Variants in NOD1 observed in about 807,000 individuals in gnomAD.
NOD1 encodes the protein nucleotide-binding oligomerization domain-containing protein 1.
A neutral mutation model predicts 81.2 loss-of-function variants in NOD1; 70 were observed. The ratio of observed to expected loss-of-function variants is 0.86; its 90% CI spans 0.71 to 1.05. NOD1 has a LOEUF of 1.05. NOD1 is among the 50% of genes least tolerant of loss of function. NOD1 has a pLI of 0.00. For synonymous variants in NOD1, 508 were observed against 526.9 expected, an observed-to-expected ratio of 0.96 and a Z score of 0.49; for missense variants, 1,233 against 1,228.0, an observed-to-expected ratio of 1.00 and a Z score of -0.06.
intron 9 of NOD1, among the ~76,000 whole-genome samples, chr7:30,437,894 G>A (rs1295824185): frequency 6.6e-6 from 1 of 152,216 alleles, no homozygotes; most frequent in Non-Finnish European, 1.5e-5. Context: ...TGTGAACAGA[G>A]GCCATCGGCA....
rs747887313 is a variant in NOD1 at position 30,456,964 on chromosome 7, G to A, written c.-43C>T. 3 of 1,543,924 alleles carry A rather than the reference G, an allele frequency of 1.9e-6. No homozygotes were observed. Among genetic ancestry groups the A allele is most frequent in the South Asian group, 1.1e-5 (1 of 89,650 alleles). ...GCTACTTTTCCCAAATTCATCTTCA[G>A]CTGCGTGTGTCCTCTCAGCAGAAGG... On this transcript the variant is annotated 5_prime_UTR_variant, in exon 4 of 14. Coordinates refer to ENST00000222823, the MANE Select transcript of NOD1 (RefSeq NM_006092.4).
At chr7:30,447,676 A>G in intron 7 of NOD1, 1 of 155,802 alleles carries the variant, frequency 6.4e-6, no homozygotes, top group Non-Finnish European at 1.4e-5. Context: ...TCCAGCTTGC[A>G]GAGCCACCAG....
chr7:30,460,073 T>A (rs1786856402), intron 1 of NOD1, 32 bp from the exon 2 acceptor site: 1 of 193,846 alleles, frequency 5.2e-6, no homozygotes, highest in African/African-American at 2.4e-5. Context: ...ATGACAGCCA[T>A]CTGGCAAGGA....
At chr7:30,461,797 G>T (rs1787113124) in intron 1 of NOD1, among the ~76,000 whole-genome samples, 1 of 152,170 alleles carries the variant, frequency 6.6e-6, no homozygotes, top group Non-Finnish European at 1.5e-5. Flanking sequence ...GGAGTGCAGT[G>T]GCACAATCTT....
In NOD1 at chr7:30,451,506, G is replaced by A. The variant is rs994480424; in HGVS notation, c.1911C>T (p.Arg637=). The A allele has an allele frequency of 9.9e-6, 16 of 1,613,006 alleles. No individual in the cohort carries two copies. The highest frequency in any genetic ancestry group is 3.3e-4 in the Middle Eastern group (2 of 6,080). Reference sequence around the variant, plus strand: ...CCTGGTTGAAGCTTTCGACCTGAACGCGGGGCAGGCTCTTCAGGTAGCCCC... The same window carrying A: ...CCTGGTTGAAGCTTTCGACCTGAACACGGGGCAGGCTCTTCAGGTAGCCCC... ...SLRGYLKSLP[R]VQVESFNQVQ... is the part of the protein sequence containing the mutation. Residue 637 remains arginine, a synonymous_variant, in exon 6 of 14, where the codon CGC becomes CGT. Coordinates refer to ENST00000222823, the MANE Select transcript of NOD1 (RefSeq NM_006092.4). The surrounding 1 kb of genome is among the most constrained non-coding windows in gnomAD (Gnocchi z 4.2).
intron 3 of NOD1, among the ~76,000 whole-genome samples, chr7:30,458,740 C>CTTT (rs11430536): frequency 6.4e-5 from 9 of 139,746 alleles, no homozygotes; most frequent in Non-Finnish European, 9.3e-5. Flanking sequence ...CCAGCCTTTT[C>CTTT]TTTTTTTTTT....
intron 4 of NOD1, 84 bp from the exon 5 acceptor site, chr7:30,455,395 G>C: frequency 8.9e-7 from 1 of 1,128,720 alleles, no homozygotes; most frequent in Non-Finnish European, 1.3e-6. Flanking sequence ...GCTCAGGGCA[G>C]GGCTCTGAGT....
At chr7:30,456,675 T>TC in intron 4 of NOD1, 46 bp downstream of exon 4, 1 of 1,550,884 alleles carries the variant, frequency 6.4e-7, no homozygotes. Context: ...CTCTTCTAGC[T>TC]CCCGGGGTCC....
chr7:30,459,469 T>G (rs955861277), intron 2 of NOD1, among the ~76,000 whole-genome samples: 2 of 152,248 alleles, frequency 1.3e-5, no homozygotes, highest in Non-Finnish European at 2.9e-5. Flanking sequence ...TTGCTTAACC[T>G]TTTGCTTTCA....
In NOD1 at chr7:30,425,533, C is replaced by T. The variant is rs1783369367; in HGVS notation, c.*105G>A. 1.2e-6 allele frequency: 1 copy of T among 827,382 alleles called. No homozygotes were observed. The highest frequency in any genetic ancestry group is 2.1e-6 in the Non-Finnish European group (1 of 474,582). 51.3% of individuals were successfully genotyped at this position (827,382 alleles called of 1,614,324 possible). ...TGGAGGCAGTGGACTCCTGATAGTCCCGCCTGCGCAGGCCCCTTTAAGACA... is the reference window on the plus strand; with the variant it reads ...TGGAGGCAGTGGACTCCTGATAGTCTCGCCTGCGCAGGCCCCTTTAAGACA... On this transcript the variant is annotated 3_prime_UTR_variant, in exon 14 of 14. Coordinates refer to ENST00000222823, the MANE Select transcript of NOD1 (RefSeq NM_006092.4).
chr7:30,455,349 G>A lies in NOD1; in HGVS notation c.202-38C>T, dbSNP rs140048521. Reference sequence around the variant, plus strand: ...CAAGCATGAGGGCACGGGCTGGCATGAGGGGCATCCTCCTACCATAAGGAC... The same window carrying A: ...CAAGCATGAGGGCACGGGCTGGCATAAGGGGCATCCTCCTACCATAAGGAC... On this transcript the variant is annotated intron_variant, in intron 4 of 13. Coordinates refer to ENST00000222823, the MANE Select transcript of NOD1 (RefSeq NM_006092.4). 714 of 1,576,226 alleles carry A rather than the reference G, an allele frequency of 4.5e-4. 2 individuals are homozygous for A. In the East Asian group the frequency reaches 0.011, roughly 24 times the overall value.
intron 3 of NOD1, 86 bp downstream of exon 3, chr7:30,459,066 A>C (rs1786722077): frequency 6.6e-6 from 1 of 152,450 alleles, no homozygotes; most frequent in Non-Finnish European, 1.5e-5. Context: ...TCTATGACCC[A>C]CTTTAGGATC....
At chr7:30,432,878 CTG>C (rs905352743) in intron 12 of NOD1, among the ~76,000 whole-genome samples, 27 of 152,192 alleles carry the variant, frequency 1.8e-4, no homozygotes, top group Admixed American at 7.2e-4. Context: ...TTGCCAGGGT[CTG>C]GGGAGGAGGA....
intron 10 of NOD1, among the ~76,000 whole-genome samples, chr7:30,436,424 C>A (rs937341789): frequency 1.6e-4 from 25 of 152,248 alleles, no homozygotes; most frequent in Admixed American, 1.1e-3. Context: ...ATCAAGGTAC[C>A]CCATCTGCAA....
At chr7:30,460,611 C>T in intron 1 of NOD1, 2 of 985,398 alleles carry the variant, frequency 2.0e-6, no homozygotes, top group Non-Finnish European at 2.4e-6. Flanking sequence ...AAAGATGGAT[C>T]ACCAAGTGGA....
At chr7:30,449,519 C>T (rs1460059617) in intron 6 of NOD1, among the ~76,000 whole-genome samples, 2 of 152,106 alleles carry the variant, frequency 1.3e-5, no homozygotes, top group Admixed American at 6.6e-5. Context: ...GCTAGAGTGT[C>T]GACTAGATGG....
chr7:30,452,714 G>T lies in NOD1; in HGVS notation c.703C>A (p.Arg235Ser). ...TTGAAGCAGCTGAACATGCGGCAGC[G>T]AAAGTGGAAGAAGAATTTGACCCCT... The part of the protein sequence containing the change: ...DAGVKFFFHF[R>S]CRMFSCFKES... Residue 235 changes from arginine to serine, a missense_variant, in exon 6 of 14, where the codon CGC (arginine) becomes AGC (serine). Physicochemically the swap from Arg to Ser is moderately radical, Grantham distance 110. Transcript: ENST00000222823. 1 of 1,613,974 alleles carries T rather than the reference G, an allele frequency of 6.2e-7. No homozygotes were observed. The highest frequency in any genetic ancestry group is 8.5e-7 in the Non-Finnish European group (1 of 1,180,050).
intron 1 of NOD1, among the ~76,000 whole-genome samples, chr7:30,474,605 A>C (rs918778831): frequency 1.3e-5 from 2 of 152,234 alleles, no homozygotes; most frequent in South Asian, 2.1e-4. Flanking sequence ...TTCCCCTCGC[A>C]TGAGAATCTG....
At chr7:30,465,330 T>C (rs1787577744) in intron 1 of NOD1, among the ~76,000 whole-genome samples, 1 of 152,012 alleles carries the variant, frequency 6.6e-6, no homozygotes, top group African/African-American at 2.4e-5. Flanking sequence ...AGCCACGGCT[T>C]CCCTTATTTT....
Sources: gnomAD v4.1 joint callset for allele counts (sites outside exome capture counted in the v4.1 genomes callset) on GRCh38, gnomAD v4.1.1 for gene constraint, Gnocchi (gnomAD v3.1) non-coding constraint, MANE v1.5 for transcripts, NCBI Gene and HGNC (gene_info 2026-07-23, HGNC 2026-07-21) for gene names.